The following SOS2 variants were observed in gnomAD, a reference collection of about 807,000 sequenced individuals.
SOS2 encodes the protein SOS Ras/Rho guanine nucleotide exchange factor 2.
Under a neutral mutation model 148.2 loss-of-function variants are expected in SOS2, and 65 were observed. The ratio of observed to expected loss-of-function variants is 0.44; its 90% CI spans 0.36 to 0.54. The LOEUF (loss-of-function observed/expected upper bound fraction) is 0.54, where lower values mean the gene tolerates loss of function less well. Ranked by LOEUF, SOS2 falls within the 20% of genes least tolerant of loss-of-function variation. The pLI is 0.00. For synonymous variants in SOS2, 539 were observed against 537.1 expected (o/e 1.00, Z -0.05); for missense variants, 1,341 against 1,590.2 (o/e 0.84, Z 2.67).
intron 22 of SOS2, 29 bp downstream of exon 22, chr14:50,120,246 A>C (rs372446318): frequency 2.3e-5 from 23 of 980,004 alleles, no homozygotes; most frequent in Non-Finnish European, 3.7e-5. Flanking sequence ...ACAACTTTGA[A>C]TAAGTTGGAG....
intron 4 of SOS2, among the ~76,000 whole-genome samples, chr14:50,191,438 T>C (rs1886135149): frequency 6.6e-6 from 1 of 152,120 alleles, no homozygotes; most frequent in African/African-American, 2.4e-5. Context: ...CACCACATTC[T>C]AGCCTGAGTG....
chr14:50,151,583 G>C lies in SOS2; in HGVS notation c.2162-1353C>G, dbSNP rs1884665391. 5.3e-5 allele frequency among the ~76,000 whole-genome samples: 8 copies of C among 151,988 alleles called. No homozygotes were observed. In the South Asian group the frequency reaches 1.7e-3, roughly 32 times the overall value. On this transcript the variant is annotated intron_variant, in intron 13 of 22. Coordinates refer to ENST00000216373, the MANE Select transcript of SOS2 (RefSeq NM_006939.4). ...ATAAACTTTTCCTCATGAACTATTT[G>C]GTTATTCTGAAGTATAACTAGTATA...
chr14:50,185,509 T>C (rs1885878805), intron 5 of SOS2, among the ~76,000 whole-genome samples: 1 of 152,020 alleles, frequency 6.6e-6, no homozygotes, highest in Non-Finnish European at 1.5e-5. Flanking sequence ...CTGGCCAACA[T>C]GGCGAAACCC....
chr14:50,200,155 T>C (rs900993227), intron 3 of SOS2, among the ~76,000 whole-genome samples: 2 of 152,128 alleles, frequency 1.3e-5, no homozygotes, highest in African/African-American at 4.8e-5. Context: ...CCAAAATTCA[T>C]CTGACAAATA....
chr14:50,170,320 T>C (rs942078375), intron 8 of SOS2, among the ~76,000 whole-genome samples: 14 of 152,092 alleles, frequency 9.2e-5, no homozygotes, highest in Non-Finnish European at 2.1e-4. Flanking sequence ...TCAATCTTCA[T>C]GCAAGAAGGA....
rs1023143460 is a variant in SOS2, at chr14:50,207,684, T to A, written c.88-3275A>T. 9.2e-5 allele frequency among the ~76,000 whole-genome samples: 14 copies of A among 151,420 alleles called. No individual in the cohort carries two copies. The East Asian group carries it at 2.5e-3, about 27-fold the overall frequency. The stretch of plus-strand genomic sequence containing the variant: ...CTTTGGGAGGCTGGAAGTGGGTGGA[T>A]CATCTGAGGTCGGGAGTTCGAGACC... On this transcript the variant is annotated intron_variant, in intron 1 of 22. Coordinates refer to ENST00000216373, the MANE Select transcript of SOS2 (RefSeq NM_006939.4).
chr14:50,215,413 G>C, intron 1 of SOS2: 1 of 1,284,780 alleles, frequency 7.8e-7, no homozygotes, highest in Non-Finnish European at 1.0e-6. Context: ...GACAATGGAA[G>C]AGAACCATGC....
chr14:50,231,299 G>T lies in SOS2; in HGVS notation c.-16C>A, dbSNP rs1379489091. The T allele has an allele frequency of 7.2e-7, 1 of 1,392,792 alleles. No homozygotes were observed. The highest frequency in any genetic ancestry group is 1.7e-5 in the South Asian group (1 of 57,880). 86.3% of individuals were successfully genotyped at this position (1,392,792 alleles called of 1,614,324 possible). Reference sequence around the variant, plus strand: ...CCTGCTGCATGGCCCCGGCGACAGCGCCTCCGCATCGGGGGCAGCCCGCGG... The same window carrying T: ...CCTGCTGCATGGCCCCGGCGACAGCTCCTCCGCATCGGGGGCAGCCCGCGG... On this transcript the variant is annotated 5_prime_UTR_variant, in exon 1 of 23. Transcript: ENST00000216373.
intron 8 of SOS2, among the ~76,000 whole-genome samples, chr14:50,173,067 C>T (rs1041286775): frequency 6.6e-6 from 1 of 152,070 alleles, no homozygotes; most frequent in Non-Finnish European, 1.5e-5. Flanking sequence ...AACTCCTGAC[C>T]TCATGTGATC....
At position 50,170,098 on chromosome 14, in the gene SOS2, T is replaced by A. The variant is rs79911276; in HGVS notation, c.1068+4356A>T. ...GCACCACTATGTCCAGCTAATCTGATTTTTTTTTTTTTTTTGTAGAGACAA... is the reference window on the plus strand; with the variant it reads ...GCACCACTATGTCCAGCTAATCTGAATTTTTTTTTTTTTTTGTAGAGACAA... On this transcript the variant is annotated intron_variant, in intron 8 of 22. Transcript: ENST00000216373. Among the ~76,000 whole-genome samples the A allele has an allele frequency of 2.7e-3, 369 of 138,598 alleles. 3 individuals are homozygous for A. Among genetic ancestry groups the A allele is most frequent in the African/African-American group, 9.1e-3 (341 of 37,352 alleles). 90.9% of individuals were successfully genotyped at this position (138,598 alleles called of 152,430 possible). A position where few individuals can be genotyped will look rare whatever the true frequency, so the allele number is the denominator to read the frequency against.
intron 8 of SOS2, 97 bp from the exon 9 acceptor site, chr14:50,161,706 T>C: frequency 9.2e-7 from 1 of 1,086,324 alleles, no homozygotes; most frequent in Non-Finnish European, 1.3e-6. Context: ...TTATCAACTC[T>C]AAGTTAATTT....
chr14:50,207,909 A>C (rs1185315835), intron 1 of SOS2, among the ~76,000 whole-genome samples: 1 of 151,946 alleles, frequency 6.6e-6, no homozygotes, highest in South Asian at 2.1e-4. Context: ...TCAAAAAAAA[A>C]AAAAAGAAAA....
intron 18 of SOS2, among the ~76,000 whole-genome samples, chr14:50,137,778 C>A (rs1233359444): frequency 6.6e-6 from 1 of 152,074 alleles, no homozygotes; most frequent in East Asian, 1.9e-4. Flanking sequence ...GTGGGGTATC[C>A]ATTCCCTCAA....
chr14:50,165,415 G>A lies in SOS2; in HGVS notation c.1069-3806C>T, dbSNP rs147636865. ...AATAAATAAGGACACACACACCCGC[G>A]CACACACTGTTCTCTCTCTCAGTAG... On this transcript the variant is annotated intron_variant, in intron 8 of 22. Transcript: ENST00000216373. 2.1e-4 allele frequency among the ~76,000 whole-genome samples: 32 copies of A among 152,004 alleles called. No homozygotes were observed. The East Asian group carries it at 5.6e-3, about 27-fold the overall frequency.
chr14:50,145,628 T>G, intron 14 of SOS2, 32 bp from the exon 15 acceptor site: 1 of 1,416,014 alleles, frequency 7.1e-7, no homozygotes, highest in Non-Finnish European at 9.7e-7. Flanking sequence ...CAACTTAACC[T>G]ATAAAGGATT....
chr14:50,156,931 C>T, intron 12 of SOS2, 68 bp downstream of exon 12: 1 of 926,490 alleles, frequency 1.1e-6, no homozygotes, highest in Non-Finnish European at 1.6e-6. Context: ...AAAACTGACA[C>T]ATAAAATGTG....
chr14:50,178,668 G>A (rs191031104), intron 7 of SOS2, among the ~76,000 whole-genome samples: 1 of 68,454 alleles, frequency 1.5e-5, no homozygotes, highest in Non-Finnish European at 3.0e-5. Context: ...GTGTGTGTGT[G>A]TGCATATATA....
intron 3 of SOS2, among the ~76,000 whole-genome samples, chr14:50,200,194 T>C (rs1886443569): frequency 6.6e-6 from 1 of 152,066 alleles, no homozygotes; most frequent in East Asian, 1.9e-4. Flanking sequence ...TCAAGGACTC[T>C]GCTTTAAAAC....
intron 8 of SOS2, among the ~76,000 whole-genome samples, chr14:50,165,778 T>C (rs1885145009): frequency 1.3e-5 from 2 of 152,226 alleles, no homozygotes; most frequent in Non-Finnish European, 2.9e-5. Flanking sequence ...TGAATGTTTT[T>C]TGAGCTCTGC....
Sources: gnomAD v4.1 joint callset for allele counts (sites outside exome capture counted in the v4.1 genomes callset) on GRCh38, gnomAD v4.1.1 for gene constraint, MANE v1.5 for transcripts, NCBI Gene and HGNC (gene_info 2026-07-23, HGNC 2026-07-21) for gene names.